DAW1: variants seen among roughly 807,000 people sequenced by gnomAD.
DAW1 encodes the protein dynein assembly factor with WD repeat domains 1.
Under a neutral mutation model 56.5 loss-of-function variants are expected in DAW1, and 47 were observed. The ratio of observed to expected loss-of-function variants is 0.83; its 90% CI spans 0.66 to 1.06. DAW1 has a LOEUF of 1.06. DAW1 is among the 50% of genes least tolerant of loss of function. The probability of loss-of-function intolerance (pLI) is 0.00; values close to 1 mark genes in which losing one functional copy is unlikely to be tolerated. For synonymous variants in DAW1, 190 were observed against 179.0 expected (o/e 1.06, Z -0.49); for missense variants, 505 against 499.3 (o/e 1.01, Z -0.11).
In DAW1 at chr2:227,880,381, CTTTT is replaced by C. The variant is rs34679935; in HGVS notation, c.41-4957_41-4954del. ...AAAAGTTTAATATGACACAAACAGTCTTTTTTTTTTTTTTTTACTCTAGGGAAAT... is the reference window on the plus strand; with the variant it reads ...AAAAGTTTAATATGACACAAACAGTCTTTTTTTTTTTTACTCTAGGGAAAT... On this transcript the variant is annotated intron_variant, in intron 1 of 12. Coordinates refer to ENST00000309931, the MANE Select transcript of DAW1 (RefSeq NM_178821.3). 7.9e-4 allele frequency among the ~76,000 whole-genome samples: 113 copies of C among 143,852 alleles called. No individual in the cohort carries two copies. In the East Asian group the frequency reaches 0.016, roughly 21 times the overall value. 94.4% of individuals were successfully genotyped at this position (143,852 alleles called of 152,430 possible). A position where few individuals can be genotyped will look rare whatever the true frequency, so the allele number is the denominator to read the frequency against.
intron 1 of DAW1, among the ~76,000 whole-genome samples, chr2:227,877,748 ATGC>A (rs1405220286): frequency 6.6e-6 from 1 of 152,188 alleles, no homozygotes; most frequent in African/African-American, 2.4e-5. Context: ...TGGAAATCTA[ATGC>A]TGCTGCTGCT....
At chr2:227,893,141 G>A (rs944972040) in intron 4 of DAW1, among the ~76,000 whole-genome samples, 6 of 151,776 alleles carry the variant, frequency 4.0e-5, no homozygotes, top group African/African-American at 9.7e-5. Flanking sequence ...GCATGGTGGC[G>A]CACCTCTAAT....
intron 1 of DAW1, among the ~76,000 whole-genome samples, chr2:227,875,340 A>G (rs1455097928): frequency 6.6e-6 from 1 of 152,180 alleles, no homozygotes; most frequent in African/African-American, 2.4e-5. Flanking sequence ...CTGTTAGAAC[A>G]TAAATATGAC....
chr2:227,914,752 T>A (rs1295637812), intron 10 of DAW1, among the ~76,000 whole-genome samples: 2 of 152,098 alleles, frequency 1.3e-5, no homozygotes, highest in African/African-American at 2.4e-5. Context: ...AAACCACCTA[T>A]GATGCTACAT....
chr2:227,871,701 G>A lies in DAW1; in HGVS notation c.12G>A (p.Lys4=). Reference sequence around the variant, plus strand: ...AAGAGAGCAAGAAAATGAAGCTCAAGAGCCTCCTGCTCCGGTATTACCCGC... The same window carrying A: ...AAGAGAGCAAGAAAATGAAGCTCAAAAGCCTCCTGCTCCGGTATTACCCGC... MKL[K]SLLLRYYPPG... is the part of the protein sequence containing the mutation. The change falls in exon 1 of 13, where the codon AAG becomes AAA. Residue 4 remains lysine (K), a synonymous_variant. Transcript: ENST00000309931. The A allele has an allele frequency of 6.2e-7, 1 of 1,613,900 alleles. No homozygotes were observed. The highest frequency in any genetic ancestry group is 2.2e-5 in the East Asian group (1 of 44,872).
At chr2:227,906,026 G>T (rs1355199764) in intron 8 of DAW1, among the ~76,000 whole-genome samples, 5 of 152,118 alleles carry the variant, frequency 3.3e-5, no homozygotes, top group Non-Finnish European at 7.4e-5. Context: ...GAGTGCTGGG[G>T]TTACAAGCGT....
rs769087145 is a variant in DAW1 at position 227,903,062 on chromosome 2, G to A, written c.601G>A (p.Ala201Thr). 8 of 1,614,166 alleles carry A rather than the reference G, an allele frequency of 5.0e-6. No individual in the cohort carries two copies. The Middle Eastern group carries it at 8.2e-4, about 166-fold the overall frequency. The change falls in exon 7 of 13, where the codon GCC becomes ACC. Residue 201 changes from alanine (A) to threonine (T), a missense_variant. Coordinates refer to ENST00000309931, the MANE Select transcript of DAW1 (RefSeq NM_178821.3). ...LVATGSMDTTAKLWDIQNGEE... is the reference protein window; with the variant it reads ...LVATGSMDTTTKLWDIQNGEE... ...GGCGACTGGAAGTATGGACACAACA[G>A]CCAAATTGTGGGACATTCAGAATGG...
intron 11 of DAW1, 119 bp from the exon 12 acceptor site, chr2:227,921,280 G>A (rs1692100224): frequency 9.3e-7 from 1 of 1,075,180 alleles, no homozygotes; most frequent in Non-Finnish European, 1.3e-6. Context: ...TACCAGACTA[G>A]GAAGGTGACA....
At chr2:227,876,465 GC>G in intron 1 of DAW1, 1 of 1,302,874 alleles carries the variant, frequency 7.7e-7, no homozygotes, top group Non-Finnish European at 1.0e-6. Flanking sequence ...CAAATCATAT[GC>G]AAGTTTCCAA....
chr2:227,882,072 T>C (rs1691025239), intron 1 of DAW1, among the ~76,000 whole-genome samples: 1 of 152,230 alleles, frequency 6.6e-6, no homozygotes, highest in African/African-American at 2.4e-5. Context: ...TCTTTCTCAA[T>C]GGCTCAGTGC....
At chr2:227,892,429 C>A (rs1691287272) in intron 4 of DAW1, among the ~76,000 whole-genome samples, 1 of 152,078 alleles carries the variant, frequency 6.6e-6, no homozygotes, top group Non-Finnish European at 1.5e-5. Context: ...CCACCACGCC[C>A]AGCCGTAACT....
intron 1 of DAW1, among the ~76,000 whole-genome samples, chr2:227,883,771 T>C (rs74342152): frequency 5.2e-4 from 79 of 152,346 alleles, no homozygotes; most frequent in African/African-American, 1.9e-3. Flanking sequence ...ACAGTGCTAC[T>C]CTTCTTACTC....
At chr2:227,917,775 T>C (rs1416493857) in intron 10 of DAW1, among the ~76,000 whole-genome samples, 1 of 152,174 alleles carries the variant, frequency 6.6e-6, no homozygotes, top group Non-Finnish European at 1.5e-5. Flanking sequence ...TTTCAAGTTA[T>C]ATATTTTTTA....
intron 3 of DAW1, 33 bp from the exon 4 acceptor site, chr2:227,891,222 G>A (rs1285986926): frequency 5.0e-6 from 8 of 1,591,566 alleles, no homozygotes; most frequent in Non-Finnish European, 6.9e-6. Flanking sequence ...AATTTGGTTT[G>A]AGTCTAAAAA....
intron 10 of DAW1, among the ~76,000 whole-genome samples, chr2:227,910,495 A>AACACACAC (rs55741229): frequency 0.14 from 20,493 of 145,140 alleles, 1,522 homozygotes; most frequent in Middle Eastern, 0.23. Flanking sequence ...TTTGTGGATG[A>AACACACAC]ACACACACAC....
chr2:227,907,300 G>T, intron 10 of DAW1, 48 bp downstream of exon 10: 1 of 1,483,922 alleles, frequency 6.7e-7, no homozygotes, highest in Non-Finnish European at 9.3e-7. Flanking sequence ...TTTATGCTTT[G>T]CTTGATAACC....
At chr2:227,902,865 G>C (rs1691578483) in intron 6 of DAW1, 137 bp from the exon 7 acceptor site, 2 of 823,306 alleles carry the variant, frequency 2.4e-6, no homozygotes, top group Admixed American at 5.1e-5. Flanking sequence ...GGGGGTAGCA[G>C]GTCACACATA....
intron 10 of DAW1, 123 bp from the exon 11 acceptor site, chr2:227,918,657 A>G: frequency 9.4e-7 from 1 of 1,058,300 alleles, no homozygotes; most frequent in Non-Finnish European, 1.4e-6. Flanking sequence ...AACACAGGCA[A>G]GAAGATGAAC....
At chr2:227,878,922 G>C (rs2106186079) in intron 1 of DAW1, among the ~76,000 whole-genome samples, 1 of 151,494 alleles carries the variant, frequency 6.6e-6, no homozygotes, top group Admixed American at 6.6e-5. Flanking sequence ...CAAGTAGCTG[G>C]GATTACAGGC....
Sources: allele counts gnomAD v4.1 joint callset (sites outside exome capture counted in the v4.1 genomes callset), GRCh38; gene constraint gnomAD v4.1.1; transcripts MANE v1.5; gene names NCBI Gene and HGNC (gene_info 2026-07-23, HGNC 2026-07-21).